Variants in TAF1B observed in about 807,000 individuals in gnomAD.
TAF1B encodes the protein TATA-box binding protein associated factor, RNA polymerase I subunit B, also known as TATA box-binding protein-associated factor RNA polymerase I subunit B.
Under a neutral mutation model 83.9 loss-of-function variants are expected in TAF1B, and 61 were observed. The observed-to-expected ratio is 0.73, with a 90% CI of 0.59 to 0.90. TAF1B has a LOEUF of 0.90. Ranked by LOEUF, TAF1B falls within the 40% of genes least tolerant of loss-of-function variation. TAF1B has a pLI of 0.00. For synonymous variants in TAF1B, 221 were observed against 224.6 expected, an observed-to-expected ratio of 0.98 and a Z score of 0.14; for missense variants, 625 against 677.0, an observed-to-expected ratio of 0.92 and a Z score of 0.85.
chr2:9,933,476 C>G (rs543077151), intron 14 of TAF1B, among the ~76,000 whole-genome samples: 20 of 152,164 alleles, frequency 1.3e-4, no homozygotes, highest in African/African-American at 4.8e-4. Context: ...TTTTGTTTGC[C>G]TTGACCATGG....
intron 2 of TAF1B, 37 bp from the exon 3 acceptor site, chr2:9,849,336 A>G (rs754962802): frequency 2.1e-4 from 321 of 1,505,432 alleles, no homozygotes; most frequent in Non-Finnish European, 2.7e-4. Flanking sequence ...GGGATGTAAA[A>G]CGATCTTTTT....
At chr2:9,877,466 T>C (rs1664353597) in intron 7 of TAF1B, among the ~76,000 whole-genome samples, 1 of 152,202 alleles carries the variant, frequency 6.6e-6, no homozygotes, top group Non-Finnish European at 1.5e-5. Context: ...TCCACTCAGT[T>C]ATATGTCCAA....
At chr2:9,850,549 A>C (rs1175469765) in intron 3 of TAF1B, among the ~76,000 whole-genome samples, 2 of 152,214 alleles carry the variant, frequency 1.3e-5, no homozygotes, top group African/African-American at 2.4e-5. Flanking sequence ...GAATTGGGTT[A>C]GTTAGCAGAG....
chr2:9,923,297 T>C (rs969733304), intron 14 of TAF1B, among the ~76,000 whole-genome samples: 1 of 151,112 alleles, frequency 6.6e-6, no homozygotes, highest in Non-Finnish European at 1.5e-5. Flanking sequence ...AATTGAACTG[T>C]AGAAAATACA....
intron 7 of TAF1B, among the ~76,000 whole-genome samples, chr2:9,881,609 ATCTT>A (rs769672165): frequency 1.3e-5 from 2 of 152,130 alleles, no homozygotes; most frequent in Non-Finnish European, 2.9e-5. Flanking sequence ...TCTGTTTTGT[ATCTT>A]TCTTTTCTCA....
rs1341652157 is a variant in TAF1B at position 9,882,775 on chromosome 2, T to C, written c.777T>C (p.Tyr259=). The change falls in exon 8 of 15, where the codon TAT becomes TAC. Residue 259 remains tyrosine (Y), a synonymous_variant. Transcript: ENST00000263663. ...FQHFPEQMKL[Y]GRDRGIFGIE... is the part of the protein sequence containing the mutation. ...ATTTTCCAGAACAGATGAAATTATATGGACGTGACAGAGGAATCTTTGGTA... is the reference window on the plus strand; with the variant it reads ...ATTTTCCAGAACAGATGAAATTATACGGACGTGACAGAGGAATCTTTGGTA... The C allele has an allele frequency of 6.2e-7, 1 of 1,611,698 alleles. No individual in the cohort carries two copies. The highest frequency in any genetic ancestry group is 8.5e-7 in the Non-Finnish European group (1 of 1,178,840).
In TAF1B at chr2:9,890,445, G is replaced by T. The variant is rs564313191; in HGVS notation, c.807+7640G>T. ...TTACCTGAACAGTTCTTTCTCAGAT[G>T]CCTGAAAGCATGTTGTTGCTCACTC... On this transcript the variant is annotated intron_variant, in intron 8 of 14. Transcript: ENST00000263663. Among the ~76,000 whole-genome samples the T allele has an allele frequency of 1.7e-3, 264 of 152,184 alleles. 1 individual carries two copies. Among genetic ancestry groups the T allele is most frequent in the Non-Finnish European group, 2.9e-3 (197 of 67,994 alleles).
rs146142182 is a variant in TAF1B, at chr2:9,901,117, G to A, written c.808-3742G>A. 2.8e-4 allele frequency among the ~76,000 whole-genome samples: 43 copies of A among 152,056 alleles called. No homozygotes were observed. In the East Asian group the frequency reaches 8.1e-3, roughly 29 times the overall value. On this transcript the variant is annotated intron_variant, in intron 8 of 14. Transcript: ENST00000263663. ...TATTCATCATAGCATTCTTTATACT[G>A]GTTTAAAAATGGGAAACAACCTAAA...
intron 8 of TAF1B, among the ~76,000 whole-genome samples, chr2:9,890,732 C>T (rs564533867): frequency 6.6e-6 from 1 of 152,218 alleles, no homozygotes; most frequent in African/African-American, 2.4e-5. Flanking sequence ...TGTCACCTCA[C>T]CTATCATTTT....
chr2:9,843,523 A>G lies in TAF1B; in HGVS notation c.-19A>G. On this transcript the variant is annotated 5_prime_UTR_variant, in exon 1 of 15. Coordinates refer to ENST00000263663, the MANE Select transcript of TAF1B (RefSeq NM_005680.3). ...CCCGGGTAACGGGTCCCGGCTGTGGAAGCTCCCGCGGCGCCGCGATGGACC... is the reference window on the plus strand; with the variant it reads ...CCCGGGTAACGGGTCCCGGCTGTGGGAGCTCCCGCGGCGCCGCGATGGACC... 3 of 1,523,292 alleles carry G rather than the reference A, an allele frequency of 2.0e-6. No individual in the cohort carries two copies. The highest frequency in any genetic ancestry group is 2.6e-6 in the Non-Finnish European group (3 of 1,132,356). 94.4% of individuals were successfully genotyped at this position (1,523,292 alleles called of 1,614,324 possible). A position where few individuals can be genotyped will look rare whatever the true frequency, so the allele number is the denominator to read the frequency against.
intron 12 of TAF1B, chr2:9,913,780 C>A (rs1273189530): frequency 1.3e-5 from 2 of 152,514 alleles, no homozygotes; most frequent in African/African-American, 4.8e-5. Flanking sequence ...GATGTGGGCT[C>A]ATTGTGGTAG....
intron 5 of TAF1B, among the ~76,000 whole-genome samples, chr2:9,858,359 G>C (rs968989630): frequency 2.0e-5 from 3 of 152,204 alleles, no homozygotes; most frequent in Non-Finnish European, 4.4e-5. Flanking sequence ...TGCTCCTATG[G>C]CTCTGCAGGG....
At chr2:9,915,388 C>G (rs1440527400) in intron 12 of TAF1B, among the ~76,000 whole-genome samples, 1 of 152,040 alleles carries the variant, frequency 6.6e-6, no homozygotes, top group Non-Finnish European at 1.5e-5. Context: ...AAATTAAATG[C>G]AAATCACATA....
chr2:9,876,788 G>T (rs1383314513), intron 7 of TAF1B, among the ~76,000 whole-genome samples: 3 of 152,072 alleles, frequency 2.0e-5, no homozygotes, highest in Non-Finnish European at 4.4e-5. Flanking sequence ...TTGTTTCTTC[G>T]TTGGTAAAAT....
chr2:9,849,583 A>G (rs1194938689), intron 3 of TAF1B, 123 bp downstream of exon 3: 8 of 620,494 alleles, frequency 1.3e-5, no homozygotes, highest in Non-Finnish European at 2.1e-5. Flanking sequence ...ATCTACTGGC[A>G]TACGTTCTTC....
chr2:9,899,938 T>C (rs1443593036), intron 8 of TAF1B, among the ~76,000 whole-genome samples: 1 of 152,242 alleles, frequency 6.6e-6, no homozygotes, highest in Non-Finnish European at 1.5e-5. Flanking sequence ...AAGCACGTTT[T>C]CTTAGCTGCT....
At chr2:9,893,288 T>C (rs2125162528) in intron 8 of TAF1B, among the ~76,000 whole-genome samples, 1 of 152,308 alleles carries the variant, frequency 6.6e-6, no homozygotes, top group African/African-American at 2.4e-5. Context: ...TCTGCGTCAT[T>C]GATTATAAGT....
chr2:9,906,648 A>T (rs765743405), intron 9 of TAF1B, among the ~76,000 whole-genome samples: 1 of 152,350 alleles, frequency 6.6e-6, no homozygotes, highest in East Asian at 1.9e-4. Flanking sequence ...TGTTTATGTT[A>T]TAATAAAAAG....
chr2:9,919,020 C>T (rs759156005), intron 12 of TAF1B, 21 bp from the exon 13 acceptor site: 5 of 1,603,326 alleles, frequency 3.1e-6, no homozygotes, highest in East Asian at 2.2e-5. Flanking sequence ...CCTGCTCCAG[C>T]TGTTTCTTTA....
Sources: allele counts gnomAD v4.1 joint callset (sites outside exome capture counted in the v4.1 genomes callset), GRCh38; gene constraint gnomAD v4.1.1; transcripts MANE v1.5; gene names NCBI Gene and HGNC (gene_info 2026-07-23, HGNC 2026-07-21).